SLC18B1: variants seen among roughly 807,000 people sequenced by gnomAD.
The protein encoded by SLC18B1 is solute carrier family 18 member B1.
In SLC18B1, 62 loss-of-function variants were observed where a neutral mutation model predicts 53.9. That is an observed-to-expected ratio of 1.15 (90% CI 0.94 to 1.42). The LOEUF (loss-of-function observed/expected upper bound fraction) is 1.42, where lower values mean the gene tolerates loss of function less well. SLC18B1 is among the 40% of genes most tolerant of loss of function. The pLI, the probability that SLC18B1 is intolerant of heterozygous loss-of-function variation, is 0.00. For synonymous variants in SLC18B1, 217 were observed against 200.9 expected (o/e 1.08, Z -0.68); for missense variants, 598 against 547.3 (o/e 1.09, Z -0.93).
intron 13 of SLC18B1, 142 bp downstream of exon 13, chr6:132,770,747 AT>A: frequency 1.2e-6 from 1 of 824,334 alleles, no homozygotes; most frequent in Non-Finnish European, 1.9e-6. Context: ...AAAAATAAAA[AT>A]TAAAAAAGTA....
intron 7 of SLC18B1, among the ~76,000 whole-genome samples, 185 bp downstream of exon 7, chr6:132,779,083 T>C (rs1365229628): frequency 6.6e-6 from 1 of 152,216 alleles, no homozygotes; most frequent in Non-Finnish European, 1.5e-5. Flanking sequence ...ACTTCCTTCA[T>C]TTTTACTGAA....
Position 132,785,114 on chromosome 6 carries a change from TCTCA to T in SLC18B1, c.502-1029_502-1026del, listed in dbSNP as rs201961587. On this transcript the variant is annotated intron_variant, in intron 5 of 13. Transcript: ENST00000275227. Reference sequence around the variant, plus strand: ...CTCTTGTTCTCGTGCTCTCTCTCTCTCTCAGTGTGTGTGTGTGTGTGTGTGTGTG... The same window carrying T: ...CTCTTGTTCTCGTGCTCTCTCTCTCTGTGTGTGTGTGTGTGTGTGTGTGTG... 1.6e-3 allele frequency among the ~76,000 whole-genome samples: 227 copies of T among 146,010 alleles called. 1 individual carries two copies. The East Asian group carries it at 0.023, about 15-fold the overall frequency.
chr6:132,786,655 A>C (rs1236457782), intron 5 of SLC18B1, among the ~76,000 whole-genome samples: 1 of 152,148 alleles, frequency 6.6e-6, no homozygotes, highest in Non-Finnish European at 1.5e-5. Context: ...TACATGAGTA[A>C]ATGAGGGAGT....
intron 10 of SLC18B1, among the ~76,000 whole-genome samples, chr6:132,772,433 T>C (rs1316910995): frequency 2.0e-5 from 3 of 152,160 alleles, no homozygotes; most frequent in Non-Finnish European, 4.4e-5. Context: ...ATATATGATA[T>C]TAAGAAGCAT....
intron 4 of SLC18B1, 43 bp from the exon 5 acceptor site, chr6:132,787,624 C>CTTTT: frequency 8.2e-7 from 1 of 1,212,492 alleles, no homozygotes; most frequent in Non-Finnish European, 1.1e-6. Flanking sequence ...AGCTGGTTTT[C>CTTTT]TTTTTTTTTT....
Position 132,798,596 on chromosome 6 carries a change from G to A in SLC18B1, c.-140C>T. 3.4e-6 allele frequency: 3 copies of A among 878,890 alleles called. No individual in the cohort carries two copies. The highest frequency in any genetic ancestry group is 4.7e-6 in the Non-Finnish European group (3 of 636,550). The allele number at this position is 878,890 out of a possible 1,614,324, so 54.4% of individuals were successfully genotyped here. ...GCATCCCCGACTCCCTGCAGGCAGC[G>A]ATCCGCCCGGCCCGGAGCTCCCCAA... is the stretch of plus-strand genomic sequence containing the variant. On this transcript the variant is annotated 5_prime_UTR_variant, in exon 1 of 14. Transcript: ENST00000275227.
At position 132,798,472 on chromosome 6, in the gene SLC18B1, T is replaced by G; in HGVS notation, c.-16A>C. The G allele has an allele frequency of 6.7e-7, 1 of 1,498,546 alleles. No individual in the cohort carries two copies. Among genetic ancestry groups the G allele is most frequent in the Non-Finnish European group, 8.9e-7 (1 of 1,118,464 alleles). The allele number at this position is 1,498,546 out of a possible 1,614,324, so 92.8% of individuals were successfully genotyped here. On this transcript the variant is annotated 5_prime_UTR_variant, in exon 1 of 14. Coordinates refer to ENST00000275227, the MANE Select transcript of SLC18B1 (RefSeq NM_052831.3). ...GCGCCTCCATCCCCGGTGCGTGGACTCCGGCGCCCCAGCTCCCGGCTTCAA... is the reference window on the plus strand; with the variant it reads ...GCGCCTCCATCCCCGGTGCGTGGACGCCGGCGCCCCAGCTCCCGGCTTCAA...
At chr6:132,787,962 C>A (rs1032011454) in intron 4 of SLC18B1, among the ~76,000 whole-genome samples, 27 of 152,004 alleles carry the variant, frequency 1.8e-4, no homozygotes, top group African/African-American at 6.5e-4. Flanking sequence ...GAGATCGAGA[C>A]CATCCTGGCC....
At chr6:132,770,784 G>T in intron 13 of SLC18B1, 106 bp downstream of exon 13, 1 of 1,089,376 alleles carries the variant, frequency 9.2e-7, no homozygotes, top group South Asian at 1.5e-5. Flanking sequence ...GCCTCAGAGT[G>T]CTTAGAAATC....
At chr6:132,771,476 T>G (rs1002507846) in intron 11 of SLC18B1, among the ~76,000 whole-genome samples, 1 of 152,212 alleles carries the variant, frequency 6.6e-6, no homozygotes, top group African/African-American at 2.4e-5. Flanking sequence ...ATTGTTAGCA[T>G]AGTTACCCTT....
chr6:132,774,994 C>T (rs1353883320), intron 8 of SLC18B1, among the ~76,000 whole-genome samples: 2 of 152,138 alleles, frequency 1.3e-5, no homozygotes, highest in Non-Finnish European at 2.9e-5. Flanking sequence ...AAAAAATTAC[C>T]TGCTAGAGAC....
intron 6 of SLC18B1, among the ~76,000 whole-genome samples, chr6:132,783,166 T>A (rs1562266396): frequency 6.6e-6 from 1 of 152,032 alleles, no homozygotes; most frequent in Non-Finnish European, 1.5e-5. Context: ...GATTTTTTTT[T>A]AAATACCAGT....
At chr6:132,783,207 C>T (rs755642685) in intron 6 of SLC18B1, among the ~76,000 whole-genome samples, 16 of 151,908 alleles carry the variant, frequency 1.1e-4, no homozygotes, top group Admixed American at 2.0e-4. Flanking sequence ...GGAAGAGTCT[C>T]GCTCTATCAC....
At chr6:132,792,293 AAGGAAGGAAGGAAGGAAGG>A (rs1562271497) in intron 2 of SLC18B1, among the ~76,000 whole-genome samples, 18 of 82,286 alleles carry the variant, frequency 2.2e-4, no homozygotes, top group African/African-American at 3.2e-4. Flanking sequence ...GGAAGAAAGG[AAGGAAGGAAGGAAGGAAGG>A]AAGGAAGGAA....
At chr6:132,784,698 C>G (rs954389708) in intron 5 of SLC18B1, among the ~76,000 whole-genome samples, 3 of 152,126 alleles carry the variant, frequency 2.0e-5, no homozygotes, top group Non-Finnish European at 4.4e-5. Flanking sequence ...CCTTATGACC[C>G]AGAATTCCAC....
chr6:132,792,334 A>AGGAAGGAG (rs1781565792), intron 2 of SLC18B1, among the ~76,000 whole-genome samples: 1 of 133,164 alleles, frequency 7.5e-6, no homozygotes, highest in Non-Finnish European at 1.6e-5. Flanking sequence ...GAAGGAAGGA[A>AGGAAGGAG]GGAAGGAAGG....
chr6:132,776,427 G>C lies in SLC18B1; in HGVS notation c.798C>G (p.Phe266Leu). ...GTCCCACATATCCAGCTGGTAAATT[G>C]AACTGTAAAAGAAATCCTATATTAA... The part of the protein sequence containing the change: ...PTLSLFVLEK[F>L]NLPAGYVGLV... The change falls in exon 8 of 14, where the codon TTC becomes TTG. Residue 266 changes from phenylalanine to leucine, a missense_variant and splice_region_variant. Physicochemically the swap from Phe to Leu is conservative, Grantham distance 22 (BLOSUM62 0). Transcript: ENST00000275227. 1 of 1,610,142 alleles carries C rather than the reference G, an allele frequency of 6.2e-7. No individual in the cohort carries two copies. Among genetic ancestry groups the C allele is most frequent in the Non-Finnish European group, 8.5e-7 (1 of 1,177,536 alleles).
chr6:132,796,755 T>G (rs992850645), intron 2 of SLC18B1, among the ~76,000 whole-genome samples: 4 of 152,158 alleles, frequency 2.6e-5, no homozygotes, highest in African/African-American at 9.7e-5. Flanking sequence ...GAAGATCAAC[T>G]ACTTTTAGGT....
chr6:132,792,840 C>T (rs1781584241), intron 2 of SLC18B1, among the ~76,000 whole-genome samples: 4 of 152,136 alleles, frequency 2.6e-5, no homozygotes, highest in South Asian at 2.1e-4. Context: ...ATTTCTAGGC[C>T]GGGCACAGTG....
Sources: allele counts gnomAD v4.1 joint callset (sites outside exome capture counted in the v4.1 genomes callset), GRCh38; gene constraint gnomAD v4.1.1; transcripts MANE v1.5; gene names NCBI Gene and HGNC (gene_info 2026-07-23, HGNC 2026-07-21).